HYDIN: variants seen among roughly 807,000 people sequenced by gnomAD.
HYDIN encodes axonemal central pair apparatus protein HYDIN.
A neutral mutation model predicts 403.9 loss-of-function variants in HYDIN; 132 were observed. That is an observed-to-expected ratio of 0.33 (90% CI 0.28 to 0.38). The LOEUF (loss-of-function observed/expected upper bound fraction) is 0.38. Ranked by LOEUF, HYDIN falls within the 10% of genes least tolerant of loss-of-function variation. The pLI is 1.00. For synonymous variants in HYDIN, 1,202 were observed against 1,891.7 expected (o/e 0.64, Z 9.46); for missense variants, 2,827 against 5,009.5 (o/e 0.56, Z 13.15).
chr16:71,187,893 G>T (rs1482126399), intron 1 of HYDIN, among the ~76,000 whole-genome samples: 2 of 152,112 alleles, frequency 1.3e-5, no homozygotes, highest in Non-Finnish European at 2.9e-5. Flanking sequence ...AGTCAAGGAA[G>T]ATCCACCATG....
chr16:71,090,671 T>G (rs1248281963), intron 11 of HYDIN, among the ~76,000 whole-genome samples: 1 of 110,976 alleles, frequency 9.0e-6, no homozygotes, highest in Non-Finnish European at 1.7e-5. Flanking sequence ...AACTAATTTT[T>G]GTGGGTTTTT....
intron 18 of HYDIN, among the ~76,000 whole-genome samples, chr16:71,035,676 C>A (rs1207433532): frequency 6.6e-6 from 1 of 151,706 alleles, no homozygotes; most frequent in Non-Finnish European, 1.5e-5. Context: ...ACAGAAAGAC[C>A]CCTGATGCTC....
At chr16:70,876,047 A>G (rs1301816349) in intron 62 of HYDIN, among the ~76,000 whole-genome samples, 1 of 152,084 alleles carries the variant, frequency 6.6e-6, no homozygotes, top group Non-Finnish European at 1.5e-5. Flanking sequence ...AGAGCTACGA[A>G]GAGAATGAGG....
intron 36 of HYDIN, among the ~76,000 whole-genome samples, chr16:70,965,124 C>A (rs2078534786): frequency 6.6e-6 from 1 of 151,794 alleles, no homozygotes. Context: ...CCATTTCAGC[C>A]TGGGCATTTC....
intron 23 of HYDIN, among the ~76,000 whole-genome samples, chr16:70,998,874 G>T (rs1454759252): frequency 6.6e-6 from 1 of 152,054 alleles, no homozygotes; most frequent in East Asian, 1.9e-4. Flanking sequence ...ATGACAGATG[G>T]AAACAGATGG....
Position 71,102,259 on chromosome 16 carries a change from A to C in HYDIN, c.1328-8324T>G, listed in dbSNP as rs183858497. Among the ~76,000 whole-genome samples the C allele has an allele frequency of 7.2e-3, 1,102 of 152,130 alleles. 55 individuals carry two copies. The highest frequency in any genetic ancestry group is 0.065 in the Admixed American group (985 of 15,252). ...AAATATGGTAGAGTCCCATTTCTTA[A>C]CGTGGGTGACAGGTTCACAGTTGTT... On this transcript the variant is annotated intron_variant, in intron 10 of 85. Transcript: ENST00000393567.
Position 70,920,583 on chromosome 16 carries a change from G to A in HYDIN, c.7785+8C>T, listed in dbSNP as rs1311837974. The A allele has an allele frequency of 1.9e-6, 3 of 1,604,494 alleles. No homozygotes were observed. Among genetic ancestry groups the A allele is most frequent in the Non-Finnish European group, 2.6e-6 (3 of 1,174,216 alleles). ...TGAGACTTCCCCACCCTGGAGGAGA[G>A]TCCATACCTGCTCTCCTTTGGGAAG... On this transcript the variant is annotated splice_region_variant and intron_variant, in intron 46 of 85. Coordinates refer to ENST00000393567, the MANE Select transcript of HYDIN (RefSeq NM_001270974.2).
chr16:70,938,284 G>A (rs1597369108), intron 44 of HYDIN, among the ~76,000 whole-genome samples: 1 of 152,238 alleles, frequency 6.6e-6, no homozygotes, highest in Admixed American at 6.5e-5. Context: ...CCACACGCGG[G>A]GGTGCTGGTC....
At chr16:70,824,845 G>C (rs1306826903) in intron 83 of HYDIN, among the ~76,000 whole-genome samples, 1 of 151,312 alleles carries the variant, frequency 6.6e-6, no homozygotes, top group African/African-American at 2.4e-5. Context: ...ATATGGGTGG[G>C]TTACTTTTTT....
intron 18 of HYDIN, among the ~76,000 whole-genome samples, chr16:71,036,816 T>TATCA (rs1405950222): frequency 6.6e-6 from 1 of 152,206 alleles, no homozygotes; most frequent in Non-Finnish European, 1.5e-5. Context: ...GAAACTACTC[T>TATCA]ATCATCCTTG....
intron 10 of HYDIN, chr16:71,113,780 G>T (rs2083917314): frequency 6.6e-6 from 1 of 152,080 alleles, no homozygotes; most frequent in Admixed American, 6.6e-5. Context: ...TTTTTGTAGA[G>T]ATGGGGTCTC....
intron 73 of HYDIN, among the ~76,000 whole-genome samples, chr16:70,851,093 C>T (rs1827682): frequency 0.069 from 10,329 of 148,916 alleles, 393 homozygotes; most frequent in Non-Finnish European, 0.086. Context: ...TAGAAGAAAA[C>T]GTAGAAAACA....
At chr16:71,202,366 T>C (rs530044668) in intron 1 of HYDIN, among the ~76,000 whole-genome samples, 1 of 152,332 alleles carries the variant, frequency 6.6e-6, no homozygotes, top group Admixed American at 6.5e-5. Flanking sequence ...GAAGAACAGG[T>C]ATTGAAATTA....
chr16:70,995,868 A>T (rs1217675714), intron 23 of HYDIN, among the ~76,000 whole-genome samples: 1 of 151,778 alleles, frequency 6.6e-6, no homozygotes, highest in East Asian at 1.9e-4. Flanking sequence ...GCTGTTTAAT[A>T]TTTTTTTAAA....
At chr16:70,916,439 G>C (rs1436071211) in intron 47 of HYDIN, among the ~76,000 whole-genome samples, 2 of 152,128 alleles carry the variant, frequency 1.3e-5, no homozygotes. Context: ...TGTGTATCCA[G>C]GGGCGGAGGA....
chr16:70,879,512 C>T lies in HYDIN; in HGVS notation c.10368-26G>A, dbSNP rs1426728135. ...CTGTAGGGGACAGGAAGATTGTAGC[C>T]TGTCAGCCTGGCATGGTGGGAATGA... On this transcript the variant is annotated intron_variant, in intron 61 of 85. Transcript: ENST00000393567. The T allele has an allele frequency of 9.3e-6, 15 of 1,610,780 alleles. No homozygotes were observed. In the South Asian group the frequency reaches 1.5e-4, roughly 17 times the overall value.
intron 5 of HYDIN, among the ~76,000 whole-genome samples, chr16:71,171,953 A>G (rs568232383): frequency 6.6e-6 from 1 of 152,342 alleles, no homozygotes; most frequent in South Asian, 2.1e-4. Flanking sequence ...TGATCCAGAT[A>G]GAACTGGGGA....
chr16:71,057,420 G>T (rs2081936379), intron 18 of HYDIN, among the ~76,000 whole-genome samples: 1 of 152,082 alleles, frequency 6.6e-6, no homozygotes, highest in African/African-American at 2.4e-5. Flanking sequence ...CTGCTAACTG[G>T]GACCAACGTC....
At chr16:70,936,933 C>T (rs1294921139) in intron 44 of HYDIN, among the ~76,000 whole-genome samples, 4 of 151,584 alleles carry the variant, frequency 2.6e-5, no homozygotes, top group African/African-American at 9.7e-5. Flanking sequence ...TTTCCCTTTC[C>T]GCTGTCATTC....
Sources: gnomAD v4.1 joint callset for allele counts (sites outside exome capture counted in the v4.1 genomes callset) on GRCh38, gnomAD v4.1.1 for gene constraint, MANE v1.5 for transcripts, NCBI Gene and HGNC (gene_info 2026-07-23, HGNC 2026-07-21) for gene names.